FBLN1: variants seen among roughly 807,000 people sequenced by gnomAD.
FBLN1 encodes the protein fibulin 1.
In FBLN1, 34 loss-of-function variants were observed where a neutral mutation model predicts 89.7. The observed-to-expected ratio is 0.38, with a 90% CI of 0.29 to 0.50. The LOEUF is 0.50. Ranked by LOEUF, FBLN1 falls within the 20% of genes least tolerant of loss-of-function variation. FBLN1 has a pLI of 0.92. For missense variants in FBLN1, 777 were observed against 988.1 expected (o/e 0.79, Z 2.86); for synonymous variants, 393 against 391.3 (o/e 1.00, Z -0.05).
intron 2 of FBLN1, chr22:45,523,251 G>A (rs535002887): frequency 1.5e-5 from 11 of 734,774 alleles, no homozygotes; most frequent in East Asian, 7.4e-5. Flanking sequence ...AGCCAGCAAC[G>A]GCCAGTCCCA....
intron 13 of FBLN1, 79 bp downstream of exon 13, chr22:45,548,823 G>C (rs2088665443): frequency 1.3e-6 from 2 of 1,587,068 alleles, no homozygotes; most frequent in Admixed American, 3.4e-5. Context: ...GCTGGGCTCG[G>C]GGGCTGTGCT....
intron 1 of FBLN1, among the ~76,000 whole-genome samples, chr22:45,505,504 G>GC (rs1244467011): frequency 6.6e-6 from 1 of 152,168 alleles, no homozygotes; most frequent in Non-Finnish European, 1.5e-5. Context: ...CCTGCTGAGT[G>GC]CCCCCCAACT....
chr22:45,537,198 A>G lies in FBLN1; in HGVS notation c.922+1861A>G, dbSNP rs1326636089. 6.6e-6 allele frequency among the ~76,000 whole-genome samples: 1 copy of G among 152,136 alleles called. No homozygotes were observed. Among genetic ancestry groups the G allele is most frequent in the African/African-American group, 2.4e-5 (1 of 41,430 alleles). On this transcript the variant is annotated intron_variant, in intron 8 of 16. Transcript: ENST00000327858. The surrounding 1 kb of genome is among the most constrained non-coding windows in gnomAD (Gnocchi z 5.7). Reference sequence around the variant, plus strand: ...CCCTGCCATGAGCAAGGGGGTATACATTTCCATCTTGCTTCGATTTCAACT... The same window carrying G: ...CCCTGCCATGAGCAAGGGGGTATACGTTTCCATCTTGCTTCGATTTCAACT...
chr22:45,538,509 A>C (rs2238820), intron 8 of FBLN1, among the ~76,000 whole-genome samples: 8,783 of 151,918 alleles, frequency 0.058, 492 homozygotes, highest in East Asian at 0.16. Context: ...TTTCCCCCCC[A>C]CTTGACAGGG....
At chr22:45,554,244 G>A (rs1185944823) in intron 14 of FBLN1, among the ~76,000 whole-genome samples, 2 of 152,196 alleles carry the variant, frequency 1.3e-5, no homozygotes, top group Non-Finnish European at 2.9e-5. Flanking sequence ...ACCTGCACCC[G>A]GAAGCACAGC....
rs563418965 is a variant in FBLN1 at position 45,549,567 on chromosome 22, G to A, written c.1573+823G>A. ...GGCTGGTTGTGTCTGCATTTCTGAC[G>A]GAGCAAATGACTTTTCTCCTGGCCA... On this transcript the variant is annotated intron_variant, in intron 13 of 16. Coordinates refer to ENST00000327858, the MANE Select transcript of FBLN1 (RefSeq NM_006486.3). The surrounding 1 kb of genome is among the most constrained non-coding windows in gnomAD (Gnocchi z 5.7). 3.9e-5 allele frequency among the ~76,000 whole-genome samples: 6 copies of A among 152,204 alleles called. No homozygotes were observed. The highest frequency in any genetic ancestry group is 2.1e-4 in the South Asian group (1 of 4,834).
intron 12 of FBLN1, among the ~76,000 whole-genome samples, chr22:45,547,460 A>G (rs999673945): frequency 2.1e-5 from 3 of 139,564 alleles, no homozygotes; most frequent in Non-Finnish European, 3.0e-5. Context: ...ATATGGTGCA[A>G]TCACTGCTCA....
chr22:45,577,609 C>T lies in FBLN1; in HGVS notation c.1972+501C>T, dbSNP rs1407929524. 6.6e-6 allele frequency among the ~76,000 whole-genome samples: 1 copy of T among 152,164 alleles called. No homozygotes were observed. The highest frequency in any genetic ancestry group is 1.5e-5 in the Non-Finnish European group (1 of 68,030). ...TCGCCATGTGGCCTTGAGCAGTAGTCGTCCCCTCCCTACGCATCAGTTGGT... is the reference window on the plus strand; with the variant it reads ...TCGCCATGTGGCCTTGAGCAGTAGTTGTCCCCTCCCTACGCATCAGTTGGT... On this transcript the variant is annotated intron_variant, in intron 16 of 16. Transcript: ENST00000327858. This position sits in a 1 kb window ranked among gnomAD's most constrained non-coding sequence, Gnocchi z 6.6.
In FBLN1 at chr22:45,580,299, G is replaced by A. The variant is rs373194422; in HGVS notation, c.1972+3191G>A. Among the ~76,000 whole-genome samples the A allele has an allele frequency of 6.6e-6, 1 of 152,140 alleles. No homozygotes were observed. The highest frequency in any genetic ancestry group is 1.5e-5 in the Non-Finnish European group (1 of 68,024). ...GCTCTTGAGCCTCCTGGGCAGCCCC[G>A]TGCAGCTCTGTGCTGCCTGCAGCAC... is the stretch of plus-strand genomic sequence containing the variant. On this transcript the variant is annotated intron_variant, in intron 16 of 16. Transcript: ENST00000327858. The surrounding 1 kb of genome is among the most constrained non-coding windows in gnomAD (Gnocchi z 8.6).
chr22:45,511,345 G>T (rs1049832852), intron 1 of FBLN1, among the ~76,000 whole-genome samples: 7 of 151,460 alleles, frequency 4.6e-5, no homozygotes, highest in African/African-American at 1.7e-4. Context: ...GTAGAGACGG[G>T]CTTTCTCCAT....
rs964810294 is a variant in FBLN1, at chr22:45,576,871, C to A, written c.1841-106C>A. ...CATTGATGTTGTCTCATGAAAGGGC[C>A]CTGGGTTAGGTCTTCATTCCCCAAG... On this transcript the variant is annotated intron_variant, in intron 15 of 16. Transcript: ENST00000327858. This position sits in a 1 kb window ranked among gnomAD's most constrained non-coding sequence, Gnocchi z 5.2. 4 of 1,391,754 alleles carry A rather than the reference C, an allele frequency of 2.9e-6. No individual in the cohort carries two copies. Among genetic ancestry groups the A allele is most frequent in the Non-Finnish European group, 4.0e-6 (4 of 999,936 alleles). The allele number at this position is 1,391,754 out of a possible 1,614,324, so 86.2% of individuals were successfully genotyped here. A position where few individuals can be genotyped will look rare whatever the true frequency, so the allele number is the denominator to read the frequency against.
Position 45,518,727 on chromosome 22 carries a change from G to A in FBLN1, c.125G>A (p.Arg42Gln), listed in dbSNP as rs746187852. 183 of 1,612,046 alleles carry A rather than the reference G, an allele frequency of 1.1e-4. No homozygotes were observed. Among genetic ancestry groups the A allele is most frequent in the Non-Finnish European group, 1.5e-4 (178 of 1,179,256 alleles). Residue 42 changes from arginine (R) to glutamine (Q), a missense_variant, in exon 2 of 17, where the codon CGG (arginine) becomes CAG (glutamine). Coordinates refer to ENST00000327858, the MANE Select transcript of FBLN1 (RefSeq NM_006486.3). ...LLEACCADGH[R>Q]MATHQKDCSL... ...GAGGCCTGCTGTGCGGACGGACACC[G>A]GATGGCCACTCATCAGAAGGACTGC...
intron 14 of FBLN1, among the ~76,000 whole-genome samples, chr22:45,560,444 C>T (rs964674909): frequency 1.8e-4 from 28 of 152,224 alleles, no homozygotes; most frequent in Admixed American, 1.3e-4. Context: ...ATCCCAATCT[C>T]CCTAAGTCTT....
At position 45,575,114 on chromosome 22, in the gene FBLN1, T is replaced by A. The variant is rs1217022034; in HGVS notation, c.1840+461T>A. Among the ~76,000 whole-genome samples, 1 of 151,988 alleles carries A rather than the reference T, an allele frequency of 6.6e-6. No individual in the cohort carries two copies. The highest frequency in any genetic ancestry group is 1.5e-5 in the Non-Finnish European group (1 of 67,976). Reference sequence around the variant, plus strand: ...ATGCAGAACTTTCTTTGTGTCTGTGTCCCCCCCACACCCACCTGGCACAGC... The same window carrying A: ...ATGCAGAACTTTCTTTGTGTCTGTGACCCCCCCACACCCACCTGGCACAGC... On this transcript the variant is annotated intron_variant, in intron 15 of 16. Coordinates refer to ENST00000327858, the MANE Select transcript of FBLN1 (RefSeq NM_006486.3). The surrounding 1 kb of genome is among the most constrained non-coding windows in gnomAD (Gnocchi z 6.3).
chr22:45,569,470 C>G lies in FBLN1; in HGVS notation c.1698-5041C>G, dbSNP rs116939884. Among the ~76,000 whole-genome samples the G allele has an allele frequency of 9.0e-3, 1,364 of 152,194 alleles. 7 individuals are homozygous for G. Among genetic ancestry groups the G allele is most frequent in the Non-Finnish European group, 0.014 (966 of 68,016 alleles). On this transcript the variant is annotated intron_variant, in intron 14 of 16. Coordinates refer to ENST00000327858, the MANE Select transcript of FBLN1 (RefSeq NM_006486.3). Reference sequence around the variant, plus strand: ...CCTGGTCCACATGGTGAAACCACACCTCTACTAAGAATACAAAAATTAGCC... The same window carrying G: ...CCTGGTCCACATGGTGAAACCACACGTCTACTAAGAATACAAAAATTAGCC...
In FBLN1 at chr22:45,578,708, A is replaced by AG. The variant is rs1468762532; in HGVS notation, c.1972+1601dup. The stretch of plus-strand genomic sequence containing the variant: ...AGCCGCCCCCCGCCCCAAAGGGGCC[A>AG]GCCCTGTGCTTGATGCTGGGCCTGC... On this transcript the variant is annotated intron_variant, in intron 16 of 16. Coordinates refer to ENST00000327858, the MANE Select transcript of FBLN1 (RefSeq NM_006486.3). This position sits in a 1 kb window ranked among gnomAD's most constrained non-coding sequence, Gnocchi z 4.6. Among the ~76,000 whole-genome samples, 2 of 152,248 alleles carry AG rather than the reference A, an allele frequency of 1.3e-5. No individual in the cohort carries two copies. The highest frequency in any genetic ancestry group is 2.9e-5 in the Non-Finnish European group (2 of 68,038).
chr22:45,520,374 G>T (rs749463996), intron 2 of FBLN1, among the ~76,000 whole-genome samples: 1 of 152,184 alleles, frequency 6.6e-6, no homozygotes, highest in Non-Finnish European at 1.5e-5. Context: ...CTCCTCTCCT[G>T]GGCCTGTAGA....
At chr22:45,554,230 G>A (rs1007128144) in intron 14 of FBLN1, among the ~76,000 whole-genome samples, 1 of 151,988 alleles carries the variant, frequency 6.6e-6, no homozygotes, top group Non-Finnish European at 1.5e-5. Context: ...CGGAAGCGCA[G>A]TTCACCTGCA....
chr22:45,533,136 G>A lies in FBLN1; in HGVS notation c.618G>A (p.Gln206=). The part of the protein sequence containing the change: ...EVVCSCFVGY[Q]LLSDGVSCED... Reference sequence around the variant, plus strand: ...TCTGCTCCTGCTTCGTGGGCTACCAGCTGCTGTCTGATGGTGTCTCCTGTG... The same window carrying A: ...TCTGCTCCTGCTTCGTGGGCTACCAACTGCTGTCTGATGGTGTCTCCTGTG... The change falls in exon 6 of 17, where the codon CAG becomes CAA. Residue 206 remains glutamine, a synonymous_variant. Coordinates refer to ENST00000327858, the MANE Select transcript of FBLN1 (RefSeq NM_006486.3). The A allele has an allele frequency of 6.2e-7, 1 of 1,614,156 alleles. No homozygotes were observed. The highest frequency in any genetic ancestry group is 8.5e-7 in the Non-Finnish European group (1 of 1,179,966).
Sources: gnomAD v4.1 joint callset for allele counts (sites outside exome capture counted in the v4.1 genomes callset) on GRCh38, gnomAD v4.1.1 for gene constraint, Gnocchi (gnomAD v3.1) non-coding constraint, MANE v1.5 for transcripts, NCBI Gene and HGNC (gene_info 2026-07-23, HGNC 2026-07-21) for gene names.